Variants in ZRANB2 observed in about 807,000 individuals in gnomAD.
ZRANB2 encodes the protein zinc finger Ran-binding domain-containing protein 2.
A neutral mutation model predicts 53.4 loss-of-function variants in ZRANB2; 19 were observed. That is an observed-to-expected ratio of 0.36 (90% CI 0.25 to 0.52). The LOEUF (loss-of-function observed/expected upper bound fraction) is 0.52. Among genes scored for constraint, ZRANB2 ranks in the 20% least tolerant of loss-of-function variants. The pLI is 0.93. For synonymous variants in ZRANB2, 145 were observed against 134.8 expected (o/e 1.08, Z -0.52); for missense variants, 309 against 401.1 (o/e 0.77, Z 1.96).
chr1:71,069,263 C>G lies in ZRANB2; in HGVS notation c.770+13G>C. 1 of 1,604,096 alleles carries G rather than the reference C, an allele frequency of 6.2e-7. No homozygotes were observed. Among genetic ancestry groups the G allele is most frequent in the South Asian group, 1.1e-5 (1 of 90,072 alleles). The stretch of plus-strand genomic sequence containing the variant: ...TTTCTCTCTGCTTTACAGAGAGATG[C>G]TACCTCATTCACCTTGATTTCGACC... On this transcript the variant is annotated intron_variant, in intron 8 of 9. Coordinates refer to ENST00000370920, the MANE Select transcript of ZRANB2 (RefSeq NM_203350.3).
At chr1:71,079,516 T>C (rs1258654591) in intron 1 of ZRANB2, among the ~76,000 whole-genome samples, 1 of 152,232 alleles carries the variant, frequency 6.6e-6, no homozygotes, top group Non-Finnish European at 1.5e-5. Flanking sequence ...ATGTGAAGTA[T>C]GGGATGACAC....
intron 1 of ZRANB2, among the ~76,000 whole-genome samples, chr1:71,079,501 T>C (rs1442154479): frequency 6.6e-6 from 1 of 152,204 alleles, no homozygotes; most frequent in Admixed American, 6.5e-5. Context: ...TAGAATACAA[T>C]ACAGATGTGA....
chr1:71,067,999 A>G (rs908442239), intron 8 of ZRANB2, among the ~76,000 whole-genome samples: 12 of 151,152 alleles, frequency 7.9e-5, no homozygotes, highest in African/African-American at 7.3e-5. Flanking sequence ...ACCTCAGCCT[A>G]TAAGAACACA....
rs1264685420 is a variant in ZRANB2, at chr1:71,078,307, ATACT to A, written c.218+146_218+149del. The stretch of plus-strand genomic sequence containing the variant: ...GAATAATTTAAAACTTCTTTATACT[ATACT>A]TAAAGATGAGACTGAATAACAATAC... On this transcript the variant is annotated intron_variant, in intron 3 of 9. Transcript: ENST00000370920. The A allele has an allele frequency of 6.1e-6, 4 of 654,022 alleles. No homozygotes were observed. The African/African-American group carries it at 7.4e-5, about 12-fold the overall frequency. The allele number at this position is 654,022 out of a possible 1,614,324, so 40.5% of individuals were successfully genotyped here.
rs1661613415 is a variant in ZRANB2, at chr1:71,072,338, TTA to T, written c.379-85_379-84del. The T allele has an allele frequency of 4.2e-5, 62 of 1,463,326 alleles. No individual in the cohort carries two copies. The South Asian group carries it at 7.6e-4, about 18-fold the overall frequency. The allele number at this position is 1,463,326 out of a possible 1,614,324, so 90.6% of individuals were successfully genotyped here. ...TTTTCTAAAAAATTATTTTAGATAT[TTA>T]TGATTTCCTGAAAATGATCAGTTGC... On this transcript the variant is annotated intron_variant, in intron 5 of 9. Transcript: ENST00000370920.
chr1:71,067,827 ATT>A, intron 8 of ZRANB2: 1 of 337,640 alleles, frequency 3.0e-6, no homozygotes, highest in South Asian at 2.3e-5. Context: ...GCGCTTAAAT[ATT>A]GTTACTAAAT....
Position 71,064,958 on chromosome 1 carries a change from A to G in ZRANB2, c.*116T>C. ...GCTGTATTGTTTTGAAAAGCAATGA[A>G]AGGCATGCACCTCTACTAGCAGATT... On this transcript the variant is annotated 3_prime_UTR_variant, in exon 10 of 10. Transcript: ENST00000370920. 2 of 586,926 alleles carry G rather than the reference A, an allele frequency of 3.4e-6. No individual in the cohort carries two copies. The highest frequency in any genetic ancestry group is 6.0e-6 in the Non-Finnish European group (2 of 333,866). 36.4% of individuals were successfully genotyped at this position (586,926 alleles called of 1,614,324 possible).
chr1:71,067,436 C>T, intron 8 of ZRANB2: 1 of 284,932 alleles, frequency 3.5e-6, no homozygotes, highest in Non-Finnish European at 7.0e-6. Flanking sequence ...AGTAACTGTA[C>T]TTAACTGCTA....
intron 8 of ZRANB2, among the ~76,000 whole-genome samples, chr1:71,068,374 TAATAA>T (rs1661506694): frequency 6.6e-6 from 1 of 152,228 alleles, no homozygotes; most frequent in Non-Finnish European, 1.5e-5. Context: ...CTTTAGGTCA[TAATAA>T]ATTAACTTAA....
chr1:71,072,736 G>A (rs750149667), intron 4 of ZRANB2, among the ~76,000 whole-genome samples, 188 bp from the exon 5 acceptor site: 6 of 152,008 alleles, frequency 3.9e-5, no homozygotes, highest in Non-Finnish European at 8.8e-5. Context: ...TAGTTGTAAC[G>A]TCATATGGCT....
chr1:71,067,150 CAT>C (rs1282881206), intron 8 of ZRANB2: 3 of 399,164 alleles, frequency 7.5e-6, no homozygotes, highest in African/African-American at 4.2e-5. Context: ...AAAATTCTAT[CAT>C]GTGTAATTAA....
rs1466311215 is a variant in ZRANB2 at position 71,064,945 on chromosome 1, T to G, written c.*129A>C. On this transcript the variant is annotated 3_prime_UTR_variant, in exon 10 of 10. Coordinates refer to ENST00000370920, the MANE Select transcript of ZRANB2 (RefSeq NM_203350.3). ...ACAAATAAACACAGCTGTATTGTTTTGAAAAGCAATGAAAGGCATGCACCT... is the reference window on the plus strand; with the variant it reads ...ACAAATAAACACAGCTGTATTGTTTGGAAAAGCAATGAAAGGCATGCACCT... 1 of 559,996 alleles carries G rather than the reference T, an allele frequency of 1.8e-6. No homozygotes were observed. Among genetic ancestry groups the G allele is most frequent in the Non-Finnish European group, 3.2e-6 (1 of 314,276 alleles). 34.7% of individuals were successfully genotyped at this position (559,996 alleles called of 1,614,324 possible). A position where few individuals can be genotyped will look rare whatever the true frequency, so the allele number is the denominator to read the frequency against.
intron 5 of ZRANB2, 42 bp from the exon 6 acceptor site, chr1:71,072,297 C>A: frequency 6.5e-7 from 1 of 1,543,906 alleles, no homozygotes; most frequent in Non-Finnish European, 8.8e-7. Flanking sequence ...GCTGATAATG[C>A]ATTAAACTTA....
At chr1:71,067,120 C>T in intron 8 of ZRANB2, 186 bp from the exon 9 acceptor site, 2 of 471,676 alleles carry the variant, frequency 4.2e-6, no homozygotes, top group Non-Finnish European at 7.0e-6. Context: ...TCTACTTAAA[C>T]ATTTTAATTT....
chr1:71,067,442 T>A, intron 8 of ZRANB2: 1 of 288,166 alleles, frequency 3.5e-6, no homozygotes, highest in Non-Finnish European at 6.9e-6. Flanking sequence ...TGTACTTAAC[T>A]GCTAAATATT....
At position 71,080,936 on chromosome 1, in the gene ZRANB2, T is replaced by C; in HGVS notation, c.56+4A>G. The C allele has an allele frequency of 6.2e-7, 1 of 1,614,056 alleles. No homozygotes were observed. Among genetic ancestry groups the C allele is most frequent in the Non-Finnish European group, 8.5e-7 (1 of 1,179,950 alleles). ...TCCCAATTCAGGACCCTTCTTGAACTCACTTTTTGTCAGGGCAAATCCAGT... is the reference window on the plus strand; with the variant it reads ...TCCCAATTCAGGACCCTTCTTGAACCCACTTTTTGTCAGGGCAAATCCAGT... On this transcript the variant is annotated splice_donor_region_variant and intron_variant, in intron 1 of 9. Coordinates refer to ENST00000370920, the MANE Select transcript of ZRANB2 (RefSeq NM_203350.3).
At chr1:71,071,107 T>C (rs1661585830) in intron 6 of ZRANB2, 111 bp from the exon 7 acceptor site, 2 of 866,138 alleles carry the variant, frequency 2.3e-6, no homozygotes. Flanking sequence ...CACAGGTATC[T>C]CAGCAAATTA....
At chr1:71,068,631 CTA>C (rs1299022015) in intron 8 of ZRANB2, among the ~76,000 whole-genome samples, 2 of 152,050 alleles carry the variant, frequency 1.3e-5, no homozygotes, top group Non-Finnish European at 2.9e-5. Context: ...ATACAGTACT[CTA>C]GTAACTTTAT....
At position 71,078,556 on chromosome 1, in the gene ZRANB2, G is replaced by A; in HGVS notation, c.119C>T (p.Thr40Ile). 6.2e-7 allele frequency: 1 copy of A among 1,613,848 alleles called. No homozygotes were observed. The highest frequency in any genetic ancestry group is 8.5e-7 in the Non-Finnish European group (1 of 1,179,900). The change falls in exon 3 of 10, where the codon ACT (threonine) becomes ATT (isoleucine). Residue 40 changes from threonine (T) to isoleucine (I), a missense_variant. Physicochemically the swap from Thr to Ile is moderately conservative, Grantham distance 89. Transcript: ENST00000370920. ...SCNRCGREKTTEAKMMKAGGT... is the reference protein window; with the variant it reads ...SCNRCGREKTIEAKMMKAGGT... Reference sequence around the variant, plus strand: ...CCCAGCTTTCATCATCTTGGCCTCAGTTGTTTTCTCTGAAAACAGAAAAAT... The same window carrying A: ...CCCAGCTTTCATCATCTTGGCCTCAATTGTTTTCTCTGAAAACAGAAAAAT...
Sources: allele counts gnomAD v4.1 joint callset (sites outside exome capture counted in the v4.1 genomes callset), GRCh38; gene constraint gnomAD v4.1.1; transcripts MANE v1.5; gene names NCBI Gene and HGNC (gene_info 2026-07-23, HGNC 2026-07-21).